The following PRDM15 variants were observed in gnomAD, a reference collection of about 807,000 sequenced individuals.
PRDM15 encodes PR/SET domain 15.
A neutral mutation model predicts 128.6 loss-of-function variants in PRDM15; 64 were observed. The ratio of observed to expected loss-of-function variants is 0.50; its 90% CI spans 0.41 to 0.61. The LOEUF (loss-of-function observed/expected upper bound fraction) is 0.61. Among genes scored for constraint, PRDM15 ranks in the 20% least tolerant of loss-of-function variants. PRDM15 has a pLI of 0.00. For missense variants in PRDM15, 1,242 were observed against 1,569.1 expected (o/e 0.79, Z 3.52); for synonymous variants, 615 against 621.8 (o/e 0.99, Z 0.16).
Position 41,800,192 on chromosome 21 carries a change from T to C in PRDM15, c.*1048A>G, listed in dbSNP as rs987280738. 10 of 152,386 alleles carry C rather than the reference T, an allele frequency of 6.6e-5. 2 individuals carry two copies. The highest frequency in any genetic ancestry group is 1.3e-4 in the Admixed American group (2 of 15,312). 9.4% of individuals were successfully genotyped at this position (152,386 alleles called of 1,614,324 possible). The stretch of plus-strand genomic sequence containing the variant: ...TCATGAAATACACCAACCTTTGGAA[T>C]TGAAGTTTAAACAGAAGGAAAATAT... On this transcript the variant is annotated 3_prime_UTR_variant, in exon 24 of 24. Coordinates refer to ENST00000398548, the MANE Select transcript of PRDM15 (RefSeq NM_001040424.3).
intron 21 of PRDM15, among the ~76,000 whole-genome samples, chr21:41,807,335 A>C (rs1261569704): frequency 1.3e-5 from 2 of 152,224 alleles, no homozygotes; most frequent in Non-Finnish European, 2.9e-5. Flanking sequence ...ATGCCTGTTT[A>C]ACTAGTCCAA....
Position 41,859,742 on chromosome 21 carries a change from C to A in PRDM15, c.38-57G>T. On this transcript the variant is annotated intron_variant, in intron 2 of 23. Transcript: ENST00000398548. The surrounding 1 kb of genome is among the most constrained non-coding windows in gnomAD (Gnocchi z 5.3). ...CAGGGAGGGAGACACCTAAAGAACACAAACCTGGGAAATGGGGACCCTGGC... is the reference window on the plus strand; with the variant it reads ...CAGGGAGGGAGACACCTAAAGAACAAAAACCTGGGAAATGGGGACCCTGGC... 1 of 1,463,058 alleles carries A rather than the reference C, an allele frequency of 6.8e-7. No homozygotes were observed. Among genetic ancestry groups the A allele is most frequent in the Admixed American group, 1.8e-5 (1 of 55,670 alleles). 90.6% of individuals were successfully genotyped at this position (1,463,058 alleles called of 1,614,324 possible).
intron 11 of PRDM15, among the ~76,000 whole-genome samples, chr21:41,831,038 G>A: frequency 6.6e-6 from 1 of 152,238 alleles, no homozygotes; most frequent in Non-Finnish European, 1.5e-5. Context: ...CGCCAACGTG[G>A]GAGGACATGA....
chr21:41,834,418 G>A, intron 11 of PRDM15: 9 of 1,228,266 alleles, frequency 7.3e-6, no homozygotes, highest in Non-Finnish European at 1.1e-5. Context: ...CACAGGGGCG[G>A]GTGGCACCTT....
At chr21:41,845,670 C>T (rs539347750) in intron 6 of PRDM15, among the ~76,000 whole-genome samples, 2 of 152,210 alleles carry the variant, frequency 1.3e-5, no homozygotes, top group Non-Finnish European at 2.9e-5. Context: ...GAGGACCTGG[C>T]ACTGAAGGGT....
chr21:41,810,575 G>T lies in PRDM15; in HGVS notation c.2476+178C>A, dbSNP rs2061832966. 1.5e-6 allele frequency: 1 copy of T among 647,356 alleles called. No homozygotes were observed. Among genetic ancestry groups the T allele is most frequent in the Non-Finnish European group, 2.7e-6 (1 of 376,146 alleles). The allele number at this position is 647,356 out of a possible 1,614,324, so 40.1% of individuals were successfully genotyped here. ...TGAGAAAATTCAAGAAGGGATACTT[G>T]AAAGCTGTGGCGGGTTGACCTTCAG... On this transcript the variant is annotated intron_variant, in intron 20 of 23. Coordinates refer to ENST00000398548, the MANE Select transcript of PRDM15 (RefSeq NM_001040424.3). This position sits in a 1 kb window ranked among gnomAD's most constrained non-coding sequence, Gnocchi z 6.4.
intron 1 of PRDM15, 38 bp from the exon 2 acceptor site, chr21:41,860,410 C>T (rs1237144453): frequency 1.9e-6 from 3 of 1,587,776 alleles, no homozygotes; most frequent in Non-Finnish European, 1.7e-6. Flanking sequence ...ATGACAAGCT[C>T]TTACCAAAAT....
chr21:41,847,996 G>A (rs1307240026), intron 5 of PRDM15, among the ~76,000 whole-genome samples: 1 of 152,238 alleles, frequency 6.6e-6, no homozygotes, highest in Admixed American at 6.5e-5. Flanking sequence ...TTAAGTGAGT[G>A]TACCATGATC....
intron 4 of PRDM15, among the ~76,000 whole-genome samples, chr21:41,856,952 A>G (rs2063654530): frequency 6.6e-6 from 1 of 152,266 alleles, no homozygotes; most frequent in South Asian, 2.1e-4. Flanking sequence ...CACACTCTTT[A>G]GTGTTCTGCA....
At chr21:41,866,408 GCCATCCCCCGT>G (rs2064010360) in intron 1 of PRDM15, among the ~76,000 whole-genome samples, 1 of 152,374 alleles carries the variant, frequency 6.6e-6, no homozygotes, top group African/African-American at 2.4e-5. Flanking sequence ...CTTGGCCTCT[GCCATCCCCCGT>G]CCATGACAGG....
chr21:41,871,481 G>A lies in PRDM15; in HGVS notation c.-10+7789C>T, dbSNP rs112632721. 510 of 1,586,220 alleles carry A rather than the reference G, an allele frequency of 3.2e-4. 3 individuals carry two copies. The African/African-American group carries it at 5.9e-3, about 19-fold the overall frequency. On this transcript the variant is annotated intron_variant, in intron 1 of 23. Transcript: ENST00000398548. ...GGGCCCATATCCTTCCTCCCCTACTGGAGTGAGCCCACCAGGAGGTAGGGC... is the reference window on the plus strand; with the variant it reads ...GGGCCCATATCCTTCCTCCCCTACTAGAGTGAGCCCACCAGGAGGTAGGGC...
At chr21:41,867,489 G>T in intron 1 of PRDM15, 1 of 846,962 alleles carries the variant, frequency 1.2e-6, no homozygotes, top group Non-Finnish European at 1.9e-6. Context: ...CTGGAGCGCA[G>T]TGGTTTTTCA....
At chr21:41,818,597 G>A (rs1016627879) in intron 18 of PRDM15, among the ~76,000 whole-genome samples, 1 of 152,160 alleles carries the variant, frequency 6.6e-6, no homozygotes, top group Admixed American at 6.5e-5. Flanking sequence ...TTTTCTGCAG[G>A]CAGTTCTTTT....
chr21:41,847,175 T>C lies in PRDM15; in HGVS notation c.555A>G (p.Glu185=). 6.4e-7 allele frequency: 1 copy of C among 1,552,988 alleles called. No homozygotes were observed. ...GCTCCGACTCCACGGGGGCGCTGTT[T>C]TCTGGGGTGCCTGCAGCTTCAAAAG... ...GSGVHAAGTP[E]NSAPVESEPS... The change falls in exon 6 of 24, where the codon GAA becomes GAG. Residue 185 remains glutamate (E), a synonymous_variant. Coordinates refer to ENST00000398548, the MANE Select transcript of PRDM15 (RefSeq NM_001040424.3).
At chr21:41,849,321 G>C (rs542712893) in intron 5 of PRDM15, among the ~76,000 whole-genome samples, 1 of 151,710 alleles carries the variant, frequency 6.6e-6, no homozygotes, top group Non-Finnish European at 1.5e-5. Flanking sequence ...TAATCCCAGC[G>C]CTTTGGGAGG....
chr21:41,810,486 A>G lies in PRDM15; in HGVS notation c.2477-157T>C, dbSNP rs1034441333. 3 of 774,226 alleles carry G rather than the reference A, an allele frequency of 3.9e-6. No individual in the cohort carries two copies. Among genetic ancestry groups the G allele is most frequent in the African/African-American group, 1.7e-5 (1 of 57,508 alleles). 48.0% of individuals were successfully genotyped at this position (774,226 alleles called of 1,614,324 possible). ...GGCCGGTGCTGGTCCCCGAGCACACATGAGCACAGAGCCTCTGTCCCTTGG... is the reference window on the plus strand; with the variant it reads ...GGCCGGTGCTGGTCCCCGAGCACACGTGAGCACAGAGCCTCTGTCCCTTGG... On this transcript the variant is annotated intron_variant, in intron 20 of 23. Transcript: ENST00000398548. This position sits in a 1 kb window ranked among gnomAD's most constrained non-coding sequence, Gnocchi z 6.4.
At chr21:41,834,030 C>A (rs1452228842) in intron 11 of PRDM15, among the ~76,000 whole-genome samples, 1 of 152,188 alleles carries the variant, frequency 6.6e-6, no homozygotes, top group African/African-American at 2.4e-5. Context: ...CTTCAGGGGA[C>A]TGTGCCCCAG....
At chr21:41,869,994 A>G (rs539318307) in intron 1 of PRDM15, among the ~76,000 whole-genome samples, 99 of 152,326 alleles carry the variant, frequency 6.5e-4, no homozygotes, top group African/African-American at 2.3e-3. Context: ...AGCCCAGTCA[A>G]TGCAGTCTTG....
At chr21:41,830,956 C>T (rs1040885920) in intron 11 of PRDM15, among the ~76,000 whole-genome samples, 1 of 151,802 alleles carries the variant, frequency 6.6e-6, no homozygotes, top group Non-Finnish European at 1.5e-5. Context: ...TCGCCCTGCC[C>T]CCATCCATCA....
Sources: allele counts gnomAD v4.1 joint callset (sites outside exome capture counted in the v4.1 genomes callset), GRCh38; gene constraint gnomAD v4.1.1; non-coding constraint Gnocchi (gnomAD v3.1); transcripts MANE v1.5; gene names NCBI Gene and HGNC (gene_info 2026-07-23, HGNC 2026-07-21).